Variants in PCDHGA6 observed in about 807,000 individuals in gnomAD.
PCDHGA6 encodes protocadherin gamma-A6.
A neutral mutation model predicts 60.6 loss-of-function variants in PCDHGA6; 41 were observed. That is an observed-to-expected ratio of 0.68 (90% confidence interval 0.53 to 0.88). PCDHGA6 has a LOEUF of 0.88. Among genes scored for constraint, PCDHGA6 ranks in the 40% least tolerant of loss-of-function variants. The pLI, the probability that PCDHGA6 is intolerant of heterozygous loss-of-function variation, is 0.00. For missense variants in PCDHGA6, 1,312 were observed against 1,203.0 expected (o/e 1.09, Z -1.34); for synonymous variants, 594 against 524.4 (o/e 1.13, Z -1.81).
At position 141,491,539 on chromosome 5, in the gene PCDHGA6, A is replaced by G; in HGVS notation, c.2425-3268A>G. ...GTACATGGAGGTGACGCTGCGGCCC[A>G]CAGACTCGCAGAGCCACTGCTACAG... On this transcript the variant is annotated intron_variant, in intron 1 of 3. Coordinates refer to ENST00000517434, the MANE Select transcript of PCDHGA6 (RefSeq NM_018919.3). This position sits in a 1 kb window ranked among gnomAD's most constrained non-coding sequence, Gnocchi z 6.9. The G allele has an allele frequency of 6.2e-7, 1 of 1,613,968 alleles. No homozygotes were observed. The highest frequency in any genetic ancestry group is 1.1e-5 in the South Asian group (1 of 91,074).
chr5:141,458,292 T>C (rs2098941901), intron 1 of PCDHGA6, among the ~76,000 whole-genome samples: 1 of 152,146 alleles, frequency 6.6e-6, no homozygotes, highest in Admixed American at 6.5e-5. Flanking sequence ...GTCCTCATGC[T>C]GGTTTAGATA....
chr5:141,394,060 C>G, intron 1 of PCDHGA6: 8 of 1,613,780 alleles, frequency 5.0e-6, no homozygotes, highest in Non-Finnish European at 5.9e-6. Context: ...GAAAATGTCT[C>G]TATCTACAAT....
intron 1 of PCDHGA6, chr5:141,410,320 C>A (rs752279818): frequency 6.2e-7 from 1 of 1,613,998 alleles, no homozygotes; most frequent in Non-Finnish European, 8.5e-7. Context: ...TCCTCCTCGC[C>A]GTGATTCTGG....
chr5:141,510,251 C>G (rs569804850), intron 3 of PCDHGA6, among the ~76,000 whole-genome samples: 1 of 144,724 alleles, frequency 6.9e-6, no homozygotes, highest in African/African-American at 2.6e-5. Flanking sequence ...CCAGGCTGGG[C>G]GACAGAGCAG....
rs2099605485 is a variant in PCDHGA6 at position 141,485,030 on chromosome 5, G to A, written c.2425-9777G>A. 1 of 674,340 alleles carries A rather than the reference G, an allele frequency of 1.5e-6. No individual in the cohort carries two copies. Among genetic ancestry groups the A allele is most frequent in the East Asian group, 2.6e-5 (1 of 38,292 alleles). The allele number at this position is 674,340 out of a possible 1,614,324, so 41.8% of individuals were successfully genotyped here. A position where few individuals can be genotyped will look rare whatever the true frequency, so the allele number is the denominator to read the frequency against. ...CTACCCCGCCACCAGCAAAAACGGC[G>A]CGTAACCCTTGCGGCGCCGGCCGAA... On this transcript the variant is annotated intron_variant, in intron 1 of 3. Transcript: ENST00000517434. The surrounding 1 kb of genome is among the most constrained non-coding windows in gnomAD (Gnocchi z 5.7).
intron 1 of PCDHGA6, among the ~76,000 whole-genome samples, chr5:141,457,729 T>A (rs950979422): frequency 2.0e-5 from 3 of 152,236 alleles, no homozygotes; most frequent in Non-Finnish European, 4.4e-5. Context: ...GAATTTCAGA[T>A]TAGACTTTTA....
intron 1 of PCDHGA6, among the ~76,000 whole-genome samples, chr5:141,445,851 A>G (rs957077325): frequency 2.0e-5 from 3 of 152,210 alleles, no homozygotes; most frequent in African/African-American, 7.2e-5. Context: ...CACACTTAAA[A>G]TTCTGGATTT....
At chr5:141,385,465 G>T in intron 1 of PCDHGA6, 1 of 1,441,910 alleles carries the variant, frequency 6.9e-7, no homozygotes, top group Non-Finnish European at 9.1e-7. Flanking sequence ...TCCTTCAGTG[G>T]TGACACTTTA....
intron 2 of PCDHGA6, among the ~76,000 whole-genome samples, chr5:141,499,445 C>A (rs904360147): frequency 1.3e-5 from 2 of 152,062 alleles, no homozygotes; most frequent in African/African-American, 4.8e-5. Flanking sequence ...AAAGGAAAAC[C>A]ACCCATCATT....
chr5:141,387,642 C>T lies in PCDHGA6; in HGVS notation c.2424+11135C>T, dbSNP rs554256672. 8.0e-6 allele frequency: 5 copies of T among 622,368 alleles called. No homozygotes were observed. In the South Asian group the frequency reaches 1.1e-4, roughly 14 times the overall value. The allele number at this position is 622,368 out of a possible 1,614,324, so 38.6% of individuals were successfully genotyped here. On this transcript the variant is annotated intron_variant, in intron 1 of 3. Transcript: ENST00000517434. Reference sequence around the variant, plus strand: ...TGCTGACTCTGGGCGCCGCTGTTGGCCAAAGTGGAGAGCTTGGCGCTCCAG... The same window carrying T: ...TGCTGACTCTGGGCGCCGCTGTTGGTCAAAGTGGAGAGCTTGGCGCTCCAG...
At chr5:141,426,919 C>A (rs1220443930) in intron 1 of PCDHGA6, 3 of 456,620 alleles carry the variant, frequency 6.6e-6, no homozygotes, top group African/African-American at 6.0e-5. Context: ...GTCCTGGAAG[C>A]AATGGACATG....
intron 2 of PCDHGA6, among the ~76,000 whole-genome samples, chr5:141,495,725 C>G (rs1339925752): frequency 1.3e-5 from 2 of 151,986 alleles, no homozygotes; most frequent in African/African-American, 4.8e-5. Flanking sequence ...TACACGGGAC[C>G]CTTAGTCTCT....
chr5:141,408,570 T>C (rs1184307323), intron 1 of PCDHGA6: 5 of 1,613,966 alleles, frequency 3.1e-6, no homozygotes, highest in East Asian at 2.2e-5. Context: ...ATTGTGGTGA[T>C]TGAGGATGTT....
intron 1 of PCDHGA6, chr5:141,385,096 G>T (rs746092295): frequency 6.2e-7 from 1 of 1,614,190 alleles, no homozygotes; most frequent in Non-Finnish European, 8.5e-7. Context: ...AGGTGGCTTG[G>T]CGAACGTGCC....
At chr5:141,403,236 T>G in intron 1 of PCDHGA6, 1 of 1,613,908 alleles carries the variant, frequency 6.2e-7, no homozygotes, top group South Asian at 1.1e-5. Flanking sequence ...CGGGAGGAGC[T>G]CTGTGCTCAG....
intron 1 of PCDHGA6, chr5:141,422,827 A>T: frequency 6.2e-7 from 1 of 1,614,208 alleles, no homozygotes; most frequent in Non-Finnish European, 8.5e-7. Context: ...ACTGAGAGTG[A>T]TAGCACGTGA....
rs3749771 is a variant in PCDHGA6, at chr5:141,376,276, C to A, written c.2193C>A (p.Gly731=). The A allele has an allele frequency of 5.9e-4, 946 of 1,614,240 alleles. 16 individuals are homozygous for A. The East Asian group carries it at 0.018, about 31-fold the overall frequency. The part of the protein sequence containing the change: ...KSRLLQASGG[G]LASMPGSHFV... The stretch of plus-strand genomic sequence containing the variant: ...GCCTGCTGCAGGCTTCGGGAGGTGG[C>A]TTAGCGAGCATGCCCGGCTCGCACT... Residue 731 remains glycine, a synonymous_variant, in exon 1 of 4, where the codon GGC becomes GGA. Coordinates refer to ENST00000517434, the MANE Select transcript of PCDHGA6 (RefSeq NM_018919.3).
chr5:141,474,985 C>T (rs2099357651), intron 1 of PCDHGA6, among the ~76,000 whole-genome samples: 1 of 152,202 alleles, frequency 6.6e-6, no homozygotes, highest in Non-Finnish European at 1.5e-5. Context: ...TGTTTGGTGA[C>T]AACAATTCTA....
chr5:141,427,854 TGC>T (rs2097079964), intron 1 of PCDHGA6: 1 of 1,553,594 alleles, frequency 6.4e-7, no homozygotes, highest in Non-Finnish European at 8.8e-7. Context: ...CGAGCAGCTG[TGC>T]GCCTTCGAGC....
Sources: allele counts gnomAD v4.1 joint callset (sites outside exome capture counted in the v4.1 genomes callset), GRCh38; gene constraint gnomAD v4.1.1; non-coding constraint Gnocchi (gnomAD v3.1); transcripts MANE v1.5; gene names NCBI Gene and HGNC (gene_info 2026-07-23, HGNC 2026-07-21).